The following PTPRD variants were observed in gnomAD, a reference collection of about 807,000 sequenced individuals.
PTPRD encodes the protein receptor-type tyrosine-protein phosphatase delta.
Under a neutral mutation model 214.5 loss-of-function variants are expected in PTPRD, and 34 were observed. That is an observed-to-expected ratio of 0.16 (90% CI 0.12 to 0.21). The LOEUF is 0.21. Ranked by LOEUF, PTPRD falls within the 10% of genes least tolerant of loss-of-function variation. The pLI, the probability that PTPRD is intolerant of heterozygous loss-of-function variation, is 1.00. For synonymous variants in PTPRD, 1,128 were observed against 845.7 expected, an observed-to-expected ratio of 1.33 and a Z score of -5.79; for missense variants, 2,545 against 2,398.7, an observed-to-expected ratio of 1.06 and a Z score of -1.27.
chr9:8,362,623 G>A (rs1040037890), intron 39 of PTPRD, among the ~76,000 whole-genome samples: 3 of 152,132 alleles, frequency 2.0e-5, no homozygotes, highest in African/African-American at 7.2e-5. Context: ...CCAAAATTTG[G>A]ACTGAAGTTG....
intron 5 of PTPRD, among the ~76,000 whole-genome samples, chr9:9,858,197 A>G (rs1437550019): frequency 6.6e-6 from 1 of 152,230 alleles, no homozygotes; most frequent in African/African-American, 2.4e-5. Flanking sequence ...TAAAATACGG[A>G]TTATTTCATG....
chr9:9,499,993 G>A (rs991498284), intron 8 of PTPRD, among the ~76,000 whole-genome samples: 30 of 152,076 alleles, frequency 2.0e-4, no homozygotes, highest in African/African-American at 5.8e-4. Context: ...AACAATTCTT[G>A]GGCTGCCCCT....
intron 11 of PTPRD, among the ~76,000 whole-genome samples, chr9:9,011,796 G>A (rs1391159330): frequency 6.6e-6 from 1 of 152,106 alleles, no homozygotes; most frequent in Non-Finnish European, 1.5e-5. Flanking sequence ...TTCAGGGAAG[G>A]CCCTGGCACT....
intron 8 of PTPRD, among the ~76,000 whole-genome samples, chr9:9,422,325 G>A (rs2079118796): frequency 6.6e-6 from 1 of 152,144 alleles, no homozygotes; most frequent in African/African-American, 2.4e-5. Flanking sequence ...CTATCATAAA[G>A]AAGGGGGTGT....
At chr9:8,988,884 A>G (rs1261647488) in intron 11 of PTPRD, among the ~76,000 whole-genome samples, 1 of 152,126 alleles carries the variant, frequency 6.6e-6, no homozygotes, top group East Asian at 1.9e-4. Flanking sequence ...GTCCTTAGAG[A>G]TATCATTCAG....
intron 8 of PTPRD, among the ~76,000 whole-genome samples, chr9:9,477,753 T>C (rs1164565834): frequency 6.6e-6 from 1 of 152,214 alleles, no homozygotes; most frequent in Non-Finnish European, 1.5e-5. Flanking sequence ...AAGAATGTAA[T>C]AATGATAATG....
chr9:8,753,116 A>C (rs762017833), intron 11 of PTPRD, among the ~76,000 whole-genome samples: 15 of 152,188 alleles, frequency 9.9e-5, no homozygotes, highest in Non-Finnish European at 1.9e-4. Context: ...AGATCTTTAA[A>C]GTAAGGTACG....
intron 14 of PTPRD, among the ~76,000 whole-genome samples, chr9:8,588,828 G>A (rs530688998): frequency 4.4e-4 from 67 of 152,156 alleles, no homozygotes; most frequent in Admixed American, 1.0e-3. Flanking sequence ...CTTCTTCAGA[G>A]AAATCTTTAG....
intron 8 of PTPRD, among the ~76,000 whole-genome samples, chr9:9,524,304 CTCTT>C (rs1249571142): frequency 2.0e-5 from 3 of 152,132 alleles, no homozygotes; most frequent in South Asian, 4.1e-4. Context: ...TCCAGTCTCT[CTCTT>C]TCTTTTGCTT....
intron 3 of PTPRD, among the ~76,000 whole-genome samples, chr9:10,207,783 T>C (rs1024052800): frequency 2.6e-5 from 4 of 151,584 alleles, no homozygotes; most frequent in African/African-American, 9.7e-5. Flanking sequence ...TGAGTATAAA[T>C]GTCAAAAAAA....
At chr9:9,408,221 A>G (rs2074208834) in intron 8 of PTPRD, among the ~76,000 whole-genome samples, 1 of 151,856 alleles carries the variant, frequency 6.6e-6, no homozygotes, top group African/African-American at 2.4e-5. Flanking sequence ...CTGACAGCAA[A>G]GGAAATTATT....
In PTPRD at chr9:8,316,057, C is replaced by G. The variant is rs567284459; in HGVS notation, c.*1817G>C. ...AAGTTTGGTGCAGTTACTGCATGTT[C>G]CAGAGCGGATTTGGAAGGGAATATA... On this transcript the variant is annotated 3_prime_UTR_variant, in exon 46 of 46. Transcript: ENST00000381196. 4.4e-6 allele frequency: 1 copy of G among 228,852 alleles called. No homozygotes were observed. The highest frequency in any genetic ancestry group is 6.3e-5 in the East Asian group (1 of 15,994). 14.2% of individuals were successfully genotyped at this position (228,852 alleles called of 1,614,324 possible).
intron 3 of PTPRD, among the ~76,000 whole-genome samples, chr9:10,289,655 C>T (rs2095472772): frequency 6.6e-6 from 1 of 152,080 alleles, no homozygotes; most frequent in Admixed American, 6.6e-5. Flanking sequence ...TCGGAAGGTT[C>T]TTTATTCAAC....
At chr9:8,331,547 ACTTATCACTG>A in intron 44 of PTPRD, 25 bp downstream of exon 44, 1 of 1,491,694 alleles carries the variant, frequency 6.7e-7, no homozygotes, top group East Asian at 2.4e-5. Context: ...AAACACCACC[ACTTATCACTG>A]CTTTATTCAC....
At chr9:10,269,736 T>TA (rs1298714898) in intron 3 of PTPRD, among the ~76,000 whole-genome samples, 1 of 152,114 alleles carries the variant, frequency 6.6e-6, no homozygotes, top group East Asian at 1.9e-4. Context: ...TCACCGAGAA[T>TA]AAAATGTTCT....
intron 7 of PTPRD, among the ~76,000 whole-genome samples, chr9:9,704,296 A>T (rs2097557183): frequency 6.6e-6 from 1 of 151,820 alleles, no homozygotes; most frequent in African/African-American, 2.4e-5. Flanking sequence ...ATTGCAGCTC[A>T]CTAAAAAAAA....
chr9:8,607,969 G>A (rs1392996348), intron 14 of PTPRD, among the ~76,000 whole-genome samples: 4 of 152,150 alleles, frequency 2.6e-5, no homozygotes, highest in African/African-American at 4.8e-5. Flanking sequence ...AGTTAACATG[G>A]AGGCTGCCTG....
At chr9:9,772,952 TC>T (rs1018791434) in intron 5 of PTPRD, among the ~76,000 whole-genome samples, 2 of 152,190 alleles carry the variant, frequency 1.3e-5, no homozygotes, top group South Asian at 2.1e-4. Flanking sequence ...TTTATGCTAG[TC>T]CCCTTCTTTC....
chr9:9,054,115 G>T (rs1303426424), intron 10 of PTPRD, among the ~76,000 whole-genome samples: 1 of 152,134 alleles, frequency 6.6e-6, no homozygotes, highest in African/African-American at 2.4e-5. Flanking sequence ...CAGACATTGT[G>T]TGAAGCATTT....
Sources: allele counts gnomAD v4.1 joint callset (sites outside exome capture counted in the v4.1 genomes callset), GRCh38; gene constraint gnomAD v4.1.1; transcripts MANE v1.5; gene names NCBI Gene and HGNC (gene_info 2026-07-23, HGNC 2026-07-21).